LRP1B: variants seen among roughly 807,000 people sequenced by gnomAD.
LRP1B encodes the protein low-density lipoprotein receptor-related protein 1B.
Under a neutral mutation model 556.6 loss-of-function variants are expected in LRP1B, and 217 were observed. The observed-to-expected ratio is 0.39, with a 90% CI of 0.35 to 0.44. The LOEUF is 0.44. LRP1B is among the 20% of genes least tolerant of loss of function. LRP1B has a pLI of 1.00. For synonymous variants in LRP1B, 2,047 were observed against 1,865.8 expected (o/e 1.10, Z -2.50); for missense variants, 5,053 against 5,620.8 (o/e 0.90, Z 3.23).
intron 2 of LRP1B, among the ~76,000 whole-genome samples, chr2:141,580,827 G>T (rs1443827456): frequency 1.3e-5 from 2 of 152,160 alleles, no homozygotes; most frequent in Non-Finnish European, 2.9e-5. Context: ...TAAAGAGAAA[G>T]AATTGCTCTC....
intron 1 of LRP1B, among the ~76,000 whole-genome samples, chr2:141,928,037 C>A (rs1216940390): frequency 1.3e-5 from 2 of 151,786 alleles, no homozygotes; most frequent in East Asian, 3.9e-4. Context: ...TTACAGCTGT[C>A]TATGTTCAGC....
intron 2 of LRP1B, among the ~76,000 whole-genome samples, chr2:141,563,551 T>C (rs562576100): frequency 2.0e-5 from 3 of 151,946 alleles, no homozygotes; most frequent in Admixed American, 2.0e-4. Flanking sequence ...TACTGACATT[T>C]TAAAATGCAA....
intron 1 of LRP1B, among the ~76,000 whole-genome samples, chr2:141,936,408 A>G (rs1290001591): frequency 6.6e-6 from 1 of 152,190 alleles, no homozygotes; most frequent in Non-Finnish European, 1.5e-5. Flanking sequence ...CAAAAATCAT[A>G]TGTTTCTATA....
At chr2:141,520,573 T>C (rs1684491747) in intron 2 of LRP1B, among the ~76,000 whole-genome samples, 1 of 152,122 alleles carries the variant, frequency 6.6e-6, no homozygotes, top group African/African-American at 2.4e-5. Context: ...ATCTCAAGGC[T>C]ATTCCCTTTC....
chr2:141,431,333 C>A (rs4387727), intron 3 of LRP1B, among the ~76,000 whole-genome samples: 69,596 of 151,662 alleles, frequency 0.46, 16,128 homozygotes, highest in East Asian at 0.6. Context: ...GCTACACATA[C>A]GGACTGAGAA....
chr2:141,341,012 T>C (rs1228111607), intron 3 of LRP1B, among the ~76,000 whole-genome samples: 1 of 152,186 alleles, frequency 6.6e-6, no homozygotes, highest in African/African-American at 2.4e-5. Context: ...AATCCAGTGA[T>C]GAAAATGATC....
At chr2:141,849,108 A>G (rs1030123990) in intron 1 of LRP1B, among the ~76,000 whole-genome samples, 2 of 151,630 alleles carry the variant, frequency 1.3e-5, no homozygotes, top group African/African-American at 4.8e-5. Context: ...GGATTAATAT[A>G]ATGATCAGAC....
intron 1 of LRP1B, among the ~76,000 whole-genome samples, chr2:142,117,317 G>T (rs749098685): frequency 3.3e-5 from 5 of 152,104 alleles, no homozygotes; most frequent in Non-Finnish European, 7.4e-5. Flanking sequence ...TAGCAAGGGG[G>T]AGGAAGATGT....
chr2:140,741,141 C>A (rs1688123921), intron 35 of LRP1B, among the ~76,000 whole-genome samples: 1 of 152,186 alleles, frequency 6.6e-6, no homozygotes, highest in Non-Finnish European at 1.5e-5. Context: ...GACCACCATT[C>A]TTTAAAGCAC....
At chr2:141,169,327 T>G (rs1021991030) in intron 7 of LRP1B, among the ~76,000 whole-genome samples, 3 of 146,040 alleles carry the variant, frequency 2.1e-5, no homozygotes, top group African/African-American at 5.1e-5. Flanking sequence ...AATAAATAAA[T>G]AAATAAATAA....
intron 7 of LRP1B, among the ~76,000 whole-genome samples, chr2:141,069,758 C>T (rs1699583303): frequency 6.6e-6 from 1 of 152,068 alleles, no homozygotes; most frequent in Non-Finnish European, 1.5e-5. Context: ...AAACCCACCT[C>T]TGTCTTAGAT....
chr2:141,943,580 C>T (rs563175657), intron 1 of LRP1B, among the ~76,000 whole-genome samples: 178 of 152,298 alleles, frequency 1.2e-3, no homozygotes, highest in African/African-American at 4.1e-3. Flanking sequence ...GACACTCCTT[C>T]AGTGTTGCAT....
At chr2:141,233,926 C>A (rs1683562826) in intron 5 of LRP1B, among the ~76,000 whole-genome samples, 1 of 151,700 alleles carries the variant, frequency 6.6e-6, no homozygotes, top group South Asian at 2.1e-4. Flanking sequence ...CTTAATTAAA[C>A]CTGTAATTGT....
At chr2:142,081,270 T>C (rs778823165) in intron 1 of LRP1B, among the ~76,000 whole-genome samples, 1 of 152,098 alleles carries the variant, frequency 6.6e-6, no homozygotes, top group Non-Finnish European at 1.5e-5. Context: ...TTTTGTGAAA[T>C]ACTTGAGGAA....
intron 1 of LRP1B, among the ~76,000 whole-genome samples, chr2:141,972,389 T>A (rs939207693): frequency 6.6e-6 from 1 of 151,618 alleles, no homozygotes; most frequent in Non-Finnish European, 1.5e-5. Flanking sequence ...CAAAGCTAGT[T>A]CTTTATACTA....
chr2:140,702,323 A>G (rs1237408127), intron 38 of LRP1B, 31 bp from the exon 39 acceptor site: 1 of 1,609,838 alleles, frequency 6.2e-7, no homozygotes, highest in Non-Finnish European at 8.5e-7. Context: ...AACGTTACAG[A>G]CTATATTTGA....
intron 41 of LRP1B, among the ~76,000 whole-genome samples, chr2:140,615,982 C>T (rs1456888293): frequency 6.6e-6 from 1 of 151,874 alleles, no homozygotes; most frequent in African/African-American, 2.4e-5. Flanking sequence ...GTGTATCTTA[C>T]GTTTGTTGAA....
chr2:141,258,957 A>T (rs1222345730), intron 3 of LRP1B, among the ~76,000 whole-genome samples: 3 of 152,096 alleles, frequency 2.0e-5, no homozygotes, highest in Non-Finnish European at 2.9e-5. Flanking sequence ...CTTTATTGCA[A>T]TGTGAGAATG....
At chr2:140,808,846 T>C (rs1232817198) in intron 32 of LRP1B, among the ~76,000 whole-genome samples, 1 of 152,194 alleles carries the variant, frequency 6.6e-6, no homozygotes, top group Non-Finnish European at 1.5e-5. Flanking sequence ...TTAATTTTTA[T>C]TTACCCCAGG....
Sources: gnomAD v4.1 joint callset for allele counts (sites outside exome capture counted in the v4.1 genomes callset) on GRCh38, gnomAD v4.1.1 for gene constraint, MANE v1.5 for transcripts, NCBI Gene and HGNC (gene_info 2026-07-23, HGNC 2026-07-21) for gene names.